The following TMC7 variants were observed in gnomAD, a reference collection of about 807,000 sequenced individuals.
The protein encoded by TMC7 is transmembrane channel-like protein 7.
Under a neutral mutation model 82.9 loss-of-function variants are expected in TMC7, and 54 were observed. That is an observed-to-expected ratio of 0.65 (90% CI 0.52 to 0.82). TMC7 has a LOEUF of 0.82. TMC7 is among the 40% of genes least tolerant of loss of function. TMC7 has a pLI of 0.00. For missense variants in TMC7, 820 were observed against 901.2 expected, an observed-to-expected ratio of 0.91 and a Z score of 1.15; for synonymous variants, 350 against 337.9, an observed-to-expected ratio of 1.04 and a Z score of -0.39.
At chr16:19,005,165 C>T (rs1321208267) in intron 1 of TMC7, among the ~76,000 whole-genome samples, 2 of 151,796 alleles carry the variant, frequency 1.3e-5, no homozygotes, top group South Asian at 2.1e-4. Flanking sequence ...CTTGGCTCAC[C>T]ACAAGCTCTG....
intron 1 of TMC7, among the ~76,000 whole-genome samples, chr16:19,007,436 C>T (rs1319568358): frequency 2.6e-5 from 4 of 152,294 alleles, no homozygotes; most frequent in Middle Eastern, 6.8e-3. Context: ...AGGCCACCAA[C>T]GAAACCGCCC....
Position 19,062,143 on chromosome 16 carries a change from GT to G in TMC7, c.*303del, listed in dbSNP as rs1165745549. On this transcript the variant is annotated 3_prime_UTR_variant, in exon 16 of 16. Transcript: ENST00000304381. ...CAAGAATGAAAGAGCGGAGACGGTA[GT>G]TTAGTATTTGAGCCACGAGTTTATG... 3.2e-6 allele frequency: 1 copy of G among 309,712 alleles called. No homozygotes were observed. The allele number at this position is 309,712 out of a possible 1,614,324, so 19.2% of individuals were successfully genotyped here.
At chr16:19,016,240 G>A (rs765280411) in intron 2 of TMC7, among the ~76,000 whole-genome samples, 3 of 151,758 alleles carry the variant, frequency 2.0e-5, no homozygotes, top group South Asian at 2.1e-4. Context: ...ACAGGCGCCC[G>A]CCACCACACC....
chr16:19,036,805 AAGG>A (rs1251617150), intron 7 of TMC7, among the ~76,000 whole-genome samples: 2 of 152,312 alleles, frequency 1.3e-5, no homozygotes, highest in Middle Eastern at 3.4e-3. Context: ...CATCAAAGAA[AAGG>A]AGGAGGGGAC....
chr16:18,997,922 C>T (rs1183436110), intron 1 of TMC7, among the ~76,000 whole-genome samples: 2 of 151,680 alleles, frequency 1.3e-5, no homozygotes, highest in Admixed American at 6.6e-5. Context: ...TTAGTAGAGA[C>T]GGGGTTTCAC....
At chr16:19,005,705 T>C (rs2039227839) in intron 1 of TMC7, among the ~76,000 whole-genome samples, 1 of 152,190 alleles carries the variant, frequency 6.6e-6, no homozygotes, top group African/African-American at 2.4e-5. Flanking sequence ...TGTTTGTGGC[T>C]AATAATAGCT....
At chr16:19,037,386 CAA>C (rs34990574) in intron 7 of TMC7, among the ~76,000 whole-genome samples, 1 of 13,246 alleles carries the variant, frequency 7.5e-5, no homozygotes, top group Non-Finnish European at 3.1e-4. Context: ...GACTCTGTCT[CAA>C]AAAAAAAAAA....
intron 1 of TMC7, among the ~76,000 whole-genome samples, chr16:18,988,440 C>A (rs1199307517): frequency 6.6e-6 from 1 of 151,958 alleles, no homozygotes; most frequent in African/African-American, 2.4e-5. Context: ...CAGGCGCATG[C>A]AACCACGTCT....
At chr16:18,984,663 G>A in intron 1 of TMC7, 1 of 290,790 alleles carries the variant, frequency 3.4e-6, no homozygotes, top group Non-Finnish European at 5.1e-6. Context: ...GCTGAGAATC[G>A]TGTGATGTGT....
chr16:19,009,084 G>A, intron 1 of TMC7, 88 bp from the exon 2 acceptor site: 1 of 1,449,864 alleles, frequency 6.9e-7, no homozygotes, highest in Non-Finnish European at 9.4e-7. Flanking sequence ...CTATCTGCAA[G>A]GTTCAGTGAT....
chr16:18,999,141 C>T (rs1470163111), intron 1 of TMC7, among the ~76,000 whole-genome samples: 4 of 152,136 alleles, frequency 2.6e-5, no homozygotes, highest in East Asian at 1.9e-4. Flanking sequence ...CAGGCTCGAG[C>T]GATCCTCCCA....
Position 19,045,474 on chromosome 16 carries a change from C to T in TMC7, c.1553+36C>T, listed in dbSNP as rs750631463. ...GGGGTGCCCATATTATCCCCCCCACCACACACATGCACACACACACATACA... is the reference window on the plus strand; with the variant it reads ...GGGGTGCCCATATTATCCCCCCCACTACACACATGCACACACACACATACA... On this transcript the variant is annotated intron_variant, in intron 11 of 15. Coordinates refer to ENST00000304381, the MANE Select transcript of TMC7 (RefSeq NM_024847.4). 1.8e-5 allele frequency: 23 copies of T among 1,281,444 alleles called. No homozygotes were observed. The East Asian group carries it at 4.8e-4, about 27-fold the overall frequency. The allele number at this position is 1,281,444 out of a possible 1,614,324, so 79.4% of individuals were successfully genotyped here.
chr16:19,044,872 C>G lies in TMC7; in HGVS notation c.1338-12C>G. 1 of 1,601,376 alleles carries G rather than the reference C, an allele frequency of 6.2e-7. No individual in the cohort carries two copies. The highest frequency in any genetic ancestry group is 2.3e-5 in the East Asian group (1 of 44,124). On this transcript the variant is annotated splice_polypyrimidine_tract_variant and intron_variant, in intron 9 of 15. Coordinates refer to ENST00000304381, the MANE Select transcript of TMC7 (RefSeq NM_024847.4). ...CCTCATCTTCCCATCCTCTCTCCTT[C>G]TCTCCCCGAAGGTGTGTCTTTATGC...
chr16:19,045,234 A>G, intron 10 of TMC7, 107 bp from the exon 11 acceptor site: 2 of 969,906 alleles, frequency 2.1e-6, no homozygotes, highest in Non-Finnish European at 3.3e-6. Flanking sequence ...CCCTCACTGG[A>G]GCCACAGGAT....
At chr16:18,986,163 T>G (rs2038844259) in intron 1 of TMC7, among the ~76,000 whole-genome samples, 1 of 151,668 alleles carries the variant, frequency 6.6e-6, no homozygotes, top group East Asian at 1.9e-4. Context: ...TGGGAGGCCG[T>G]GGTGGGCAGA....
At chr16:18,999,721 T>C (rs1352683779) in intron 1 of TMC7, among the ~76,000 whole-genome samples, 12 of 152,156 alleles carry the variant, frequency 7.9e-5, no homozygotes. Flanking sequence ...TTGATTGACA[T>C]GTCATAGCAG....
In TMC7 at chr16:19,062,317, T is replaced by A. The variant is rs1962041965; in HGVS notation, c.*474T>A. On this transcript the variant is annotated 3_prime_UTR_variant, in exon 16 of 16. Transcript: ENST00000304381. The stretch of plus-strand genomic sequence containing the variant: ...GTTTTCCTGTGCTTACAATTTTTAA[T>A]GCATGTGCCTTTATTTCACAAAACA... 1 of 153,270 alleles carries A rather than the reference T, an allele frequency of 6.5e-6. No homozygotes were observed. The highest frequency in any genetic ancestry group is 1.5e-5 in the Non-Finnish European group (1 of 68,774). The allele number at this position is 153,270 out of a possible 1,614,324, so 9.5% of individuals were successfully genotyped here. A position where few individuals can be genotyped will look rare whatever the true frequency, so the allele number is the denominator to read the frequency against.
intron 1 of TMC7, among the ~76,000 whole-genome samples, chr16:18,989,909 A>G (rs553247282): frequency 2.6e-5 from 4 of 152,112 alleles, no homozygotes; most frequent in African/African-American, 9.6e-5. Context: ...CCATGTGAAG[A>G]GACCACCAAA....
At chr16:18,991,061 G>A (rs1161261740) in intron 1 of TMC7, among the ~76,000 whole-genome samples, 1 of 152,138 alleles carries the variant, frequency 6.6e-6, no homozygotes, top group Non-Finnish European at 1.5e-5. Flanking sequence ...TTTGGGGGTG[G>A]TATGGAGAGA....
Sources: gnomAD v4.1 joint callset for allele counts (sites outside exome capture counted in the v4.1 genomes callset) on GRCh38, gnomAD v4.1.1 for gene constraint, MANE v1.5 for transcripts, NCBI Gene and HGNC (gene_info 2026-07-23, HGNC 2026-07-21) for gene names.